The following PTPN20 variants were observed in gnomAD, a reference collection of about 807,000 sequenced individuals.
The protein encoded by PTPN20 is protein tyrosine phosphatase non-receptor type 20, also known as tyrosine-protein phosphatase non-receptor type 20.
PTPN20 carries 9 observed loss-of-function variants against 35.0 expected under a neutral mutation model. The observed-to-expected ratio is 0.26, with a 90% CI of 0.15 to 0.45. The LOEUF (loss-of-function observed/expected upper bound fraction) is 0.45, where lower values mean the gene tolerates loss of function less well. Among genes scored for constraint, PTPN20 ranks in the 20% least tolerant of loss-of-function variants. The pLI is 1.00. For missense variants in PTPN20, 111 were observed against 312.5 expected (o/e 0.36, Z 4.86); for synonymous variants, 32 against 100.2 (o/e 0.32, Z 4.06).
chr10:46,931,697 T>G (rs2039666197), intron 1 of PTPN20, among the ~76,000 whole-genome samples: 1 of 143,564 alleles, frequency 7.0e-6, no homozygotes, highest in South Asian at 2.1e-4. Flanking sequence ...TTAAATAATT[T>G]TTTAACACCT....
In PTPN20 at chr10:46,947,295, T is replaced by C. The variant is rs1246227754; in HGVS notation, c.340+620T>C. ...CATGCACACCTCAAAAACCTTGGAG[T>C]TGGAGAGGATCTTAGAGGTCATCCA... On this transcript the variant is annotated intron_variant, in intron 5 of 10. Coordinates refer to ENST00000374339, the MANE Select transcript of PTPN20 (RefSeq NM_001042357.5). Among the ~76,000 whole-genome samples the C allele has an allele frequency of 5.4e-5, 8 of 147,588 alleles. No homozygotes were observed. The South Asian group carries it at 1.8e-3, about 33-fold the overall frequency.
At chr10:46,968,521 G>T (rs2051375248) in intron 7 of PTPN20, among the ~76,000 whole-genome samples, 1 of 152,130 alleles carries the variant, frequency 6.6e-6, no homozygotes, top group Admixed American at 6.5e-5. Flanking sequence ...CCTTAACATT[G>T]CTTCCCTGTG....
rs1448984235 is a variant in PTPN20, at chr10:46,959,024, A to T, written c.341-5962A>T. Reference sequence around the variant, plus strand: ...AGAGGATTCTGTATGTATCTGTTAGATATACTTTGTTTATTATATTGTTCA... The same window carrying T: ...AGAGGATTCTGTATGTATCTGTTAGTTATACTTTGTTTATTATATTGTTCA... On this transcript the variant is annotated intron_variant, in intron 5 of 10. Transcript: ENST00000374339. Among the ~76,000 whole-genome samples the T allele has an allele frequency of 2.2e-3, 316 of 145,814 alleles. 6 individuals are homozygous for T. Among genetic ancestry groups the T allele is most frequent in the African/African-American group, 7.6e-3 (301 of 39,620 alleles).
intron 4 of PTPN20, among the ~76,000 whole-genome samples, chr10:46,945,567 G>A (rs1337898130): frequency 6.6e-6 from 1 of 152,222 alleles, no homozygotes. Flanking sequence ...TGTCTGATAA[G>A]GGGCCTTGAT....
chr10:46,999,298 A>G (rs961020616), intron 9 of PTPN20, among the ~76,000 whole-genome samples: 11 of 152,300 alleles, frequency 7.2e-5, no homozygotes, highest in African/African-American at 2.4e-4. Flanking sequence ...AGGCAAGTTC[A>G]GCAACACCTG....
intron 1 of PTPN20, among the ~76,000 whole-genome samples, chr10:46,928,424 G>T (rs1309544837): frequency 8.6e-5 from 13 of 151,550 alleles, no homozygotes; most frequent in African/African-American, 2.7e-4. Flanking sequence ...TATGTATAAA[G>T]CTTTTAACCT....
chr10:46,948,231 C>CT (rs1224734913), intron 5 of PTPN20, among the ~76,000 whole-genome samples: 1 of 152,048 alleles, frequency 6.6e-6, no homozygotes, highest in East Asian at 1.9e-4. Flanking sequence ...GATTCCGTCT[C>CT]TGTTGTTAAT....
At chr10:46,987,984 CACAT>C (rs2057080730) in intron 9 of PTPN20, among the ~76,000 whole-genome samples, 2 of 151,804 alleles carry the variant, frequency 1.3e-5, no homozygotes, top group South Asian at 4.1e-4. Flanking sequence ...CCTGTTTTGC[CACAT>C]ACTTTAGATT....
chr10:46,911,484 G>T lies in PTPN20; in HGVS notation c.-141G>T, dbSNP rs1407798915. 1.5e-4 allele frequency: 38 copies of T among 255,700 alleles called. No individual in the cohort carries two copies. The highest frequency in any genetic ancestry group is 2.8e-4 in the Non-Finnish European group (37 of 133,434). 15.8% of individuals were successfully genotyped at this position (255,700 alleles called of 1,614,324 possible). ...CTGGGGTTGCAGCGGGACAGTTGGG[G>T]CGGCCCCGCAGGCCCAGGTGAGGAA... On this transcript the variant is annotated 5_prime_UTR_variant, in exon 1 of 11. Transcript: ENST00000374339.
At chr10:46,982,977 TATC>T (rs1299750858) in intron 7 of PTPN20, among the ~76,000 whole-genome samples, 2 of 152,022 alleles carry the variant, frequency 1.3e-5, no homozygotes, top group Admixed American at 6.6e-5. Context: ...TTTAAGGTGT[TATC>T]ATCTTTTATA....
chr10:46,941,721 T>G (rs1216399490), intron 3 of PTPN20, among the ~76,000 whole-genome samples: 5 of 150,460 alleles, frequency 3.3e-5, no homozygotes, highest in East Asian at 3.9e-4. Flanking sequence ...TTGTTTGTTT[T>G]TTTGCTAAGT....
rs1700078176 is a variant in PTPN20, at chr10:46,937,873, A to G, written c.35-2750A>G. ...GGCATACCTGTTAATTGTTTACTAC[A>G]CATTGTGAATTATATGATTTTGGTG... On this transcript the variant is annotated intron_variant, in intron 2 of 10. Transcript: ENST00000374339. Among the ~76,000 whole-genome samples the G allele has an allele frequency of 2.0e-5, 3 of 148,114 alleles. No individual in the cohort carries two copies. The South Asian group carries it at 6.5e-4, about 32-fold the overall frequency.
At chr10:46,937,397 G>C (rs1225559758) in intron 2 of PTPN20, among the ~76,000 whole-genome samples, 1 of 151,986 alleles carries the variant, frequency 6.6e-6, no homozygotes, top group African/African-American at 2.4e-5. Context: ...GACCTTCTTT[G>C]GTCTGTTGGT....
intron 9 of PTPN20, among the ~76,000 whole-genome samples, chr10:46,995,333 C>CTTTTTT (rs878968027): frequency 8.9e-4 from 76 of 85,676 alleles, no homozygotes; most frequent in East Asian, 1.0e-3. Flanking sequence ...TTTTTTTTTT[C>CTTTTTT]TTTTTTTTTT....
intron 9 of PTPN20, among the ~76,000 whole-genome samples, chr10:46,996,871 A>G (rs1436846786): frequency 6.6e-6 from 1 of 152,116 alleles, no homozygotes; most frequent in Non-Finnish European, 1.5e-5. Context: ...CCTTTGGATT[A>G]TTGTAGTGAT....
At chr10:46,941,165 A>T (rs1237353756) in intron 3 of PTPN20, among the ~76,000 whole-genome samples, 1 of 151,250 alleles carries the variant, frequency 6.6e-6, no homozygotes. Flanking sequence ...AGCACAAAAA[A>T]AGGGAAATGC....
intron 9 of PTPN20, among the ~76,000 whole-genome samples, chr10:46,992,916 C>T (rs1214476216): frequency 5.9e-5 from 9 of 152,034 alleles, no homozygotes; most frequent in African/African-American, 1.9e-4. Context: ...TCTTTGTATC[C>T]CTTGTGGGTT....
At chr10:46,952,946 C>T (rs1351981258) in intron 5 of PTPN20, among the ~76,000 whole-genome samples, 13 of 146,326 alleles carry the variant, frequency 8.9e-5, no homozygotes, top group Non-Finnish European at 1.6e-4. Context: ...TCCACTTTAA[C>T]GGATTTGTTG....
chr10:46,992,672 T>TCTCA (rs1240254937), intron 9 of PTPN20, among the ~76,000 whole-genome samples: 3 of 152,198 alleles, frequency 2.0e-5, no homozygotes, highest in Admixed American at 6.5e-5. Flanking sequence ...GTCTCCTGAA[T>TCTCA]CTCATTAAGC....
Sources: gnomAD v4.1 joint callset for allele counts (sites outside exome capture counted in the v4.1 genomes callset) on GRCh38, gnomAD v4.1.1 for gene constraint, MANE v1.5 for transcripts, NCBI Gene and HGNC (gene_info 2026-07-23, HGNC 2026-07-21) for gene names.